The following TSC2 variants were observed in gnomAD, a reference collection of about 807,000 sequenced individuals.
The protein encoded by TSC2 is tuberin.
A neutral mutation model predicts 202.2 loss-of-function variants in TSC2; 29 were observed. That is an observed-to-expected ratio of 0.14 (90% confidence interval 0.11 to 0.20). The LOEUF is 0.20. TSC2 is among the 10% of genes least tolerant of loss of function. The probability of loss-of-function intolerance (pLI) is 1.00; values close to 1 mark genes in which losing one functional copy is unlikely to be tolerated. For synonymous variants in TSC2, 1,349 were observed against 1,044.0 expected (o/e 1.29, Z -5.63); for missense variants, 2,429 against 2,420.0 (o/e 1.00, Z -0.08).
chr16:2,081,499 G>A (rs2090136672), intron 30 of TSC2, 96 bp from the exon 31 acceptor site: 1 of 1,517,484 alleles, frequency 6.6e-7, no homozygotes, highest in South Asian at 1.1e-5. Context: ...GGAGCATGAG[G>A]GCAAAACCAG....
chr16:2,083,639 C>A, intron 32 of TSC2, 56 bp from the exon 33 acceptor site: 1 of 1,552,472 alleles, frequency 6.4e-7, no homozygotes, highest in Non-Finnish European at 8.7e-7. Context: ...GAGGCCACGT[C>A]AGGGCCAGGG....
intron 32 of TSC2, 106 bp downstream of exon 32, chr16:2,082,610 T>G: frequency 7.6e-6 from 10 of 1,315,802 alleles, no homozygotes; most frequent in Non-Finnish European, 9.7e-6. Flanking sequence ...TCTGCCTCCA[T>G]TGCCCTGGGG....
chr16:2,048,159 C>G, intron 1 of TSC2, 94 bp downstream of exon 1: 1 of 1,536,726 alleles, frequency 6.5e-7, no homozygotes, highest in Non-Finnish European at 8.8e-7. Context: ...GGGCCCTCAC[C>G]CGCGCCCACT....
chr16:2,053,954 C>G (rs530787136), intron 4 of TSC2: 10 of 447,618 alleles, frequency 2.2e-5, no homozygotes, highest in East Asian at 1.4e-4. Flanking sequence ...GGGTTTCCCC[C>G]ACTCAGGCCT....
At chr16:2,054,553 G>A (rs755408760) in intron 5 of TSC2, 113 bp downstream of exon 5, 136 of 1,499,342 alleles carry the variant, frequency 9.1e-5, no homozygotes, top group Middle Eastern at 4.5e-4. Flanking sequence ...GGCCTGCAGC[G>A]GGTATGCCCA....
rs1001010265 is a variant in TSC2 at position 2,086,344 on chromosome 16, A to C, written c.4814A>C (p.Gln1605Pro). 1.9e-6 allele frequency: 3 copies of C among 1,612,896 alleles called. No homozygotes were observed. The highest frequency in any genetic ancestry group is 8.5e-7 in the Non-Finnish European group (1 of 1,179,924). ...CTGGACGTGTGTGGTGAGGACGGCC[A>C]GTTCACCTACTGCTGGCACGATGAC... The part of the protein sequence containing the change: ...GGLDVCGEDG[Q>P]FTYCWHDDIM... The change falls in exon 37 of 42, where the codon CAG (glutamine) becomes CCG (proline). Residue 1605 changes from glutamine (Q) to proline (P), a missense_variant. Gln to Pro is a moderately conservative substitution (Grantham distance 76, BLOSUM62 -1). Coordinates refer to ENST00000219476, the MANE Select transcript of TSC2 (RefSeq NM_000548.5).
intron 12 of TSC2, among the ~76,000 whole-genome samples, 160 bp from the exon 13 acceptor site, chr16:2,062,337 T>G (rs934707918): frequency 6.6e-6 from 1 of 152,212 alleles, no homozygotes; most frequent in Non-Finnish European, 1.5e-5. Context: ...TGGACACAAG[T>G]CTTCCCCGCT....
In TSC2 at chr16:2,077,626, G is replaced by T. The variant is rs769199118; in HGVS notation, c.2866G>T (p.Gly956Cys). The change falls in exon 26 of 42, where the codon GGC becomes TGC. Residue 956 changes from glycine to cysteine, a missense_variant. Gly to Cys is a radical substitution (Grantham distance 159). Transcript: ENST00000219476. The part of the protein sequence containing the change: ...SLRIARPPKQ[G>C]LNNSPPVKEF... ...GAGGATAGCCAGACCCCCCAAACAA[G>T]GCTTGAATAACTCTCCACCCGTGAA... 1.9e-6 allele frequency: 3 copies of T among 1,613,178 alleles called. No individual in the cohort carries two copies. In the Admixed American group the frequency reaches 5.0e-5, roughly 27 times the overall value.
chr16:2,064,275 G>C lies in TSC2; in HGVS notation c.1447G>C (p.Glu483Gln), dbSNP rs397515297. The C allele has an allele frequency of 6.2e-7, 1 of 1,613,916 alleles. No homozygotes were observed. The highest frequency in any genetic ancestry group is 8.5e-7 in the Non-Finnish European group (1 of 1,180,034). ...GGCCTCCCTTGTGCCTGTGCAGGAG[G>C]AGCTGATTAACTCAGTGGTCATCTC... ...LLINRQFYEE[E>Q]LINSVVISQL... The change falls in exon 15 of 42, where the codon GAG becomes CAG. Residue 483 changes from glutamate (E) to glutamine (Q), a missense_variant. By Grantham distance (29) the Glu-to-Gln change is conservative. Coordinates refer to ENST00000219476, the MANE Select transcript of TSC2 (RefSeq NM_000548.5).
Position 2,084,475 on chromosome 16 carries a change from C to T in TSC2, c.4253C>T (p.Ser1418Leu), listed in dbSNP as rs369164761. The stretch of plus-strand genomic sequence containing the variant: ...CTGAGCCCTGAGGTTAAGGCCCGGT[C>T]ACAGTCAGGGACCCTGGACGGGGAA... Reference protein sequence around the residue: ...GRLSPEVKARSQSGTLDGESA... With the variant: ...GRLSPEVKARLQSGTLDGESA... The change falls in exon 34 of 42, where the codon TCA becomes TTA. Residue 1418 changes from serine (S) to leucine (L), a missense_variant. Physicochemically the swap from Ser to Leu is moderately radical, Grantham distance 145. Coordinates refer to ENST00000219476, the MANE Select transcript of TSC2 (RefSeq NM_000548.5). The T allele has an allele frequency of 1.9e-6, 3 of 1,609,254 alleles. No homozygotes were observed. The African/African-American group carries it at 4.0e-5, about 22-fold the overall frequency.
In TSC2 at chr16:2,088,855, T is replaced by G; in HGVS notation, c.*245T>G. Reference sequence around the variant, plus strand: ...GAGGGCCTTGAGGCTGCCTGGGCCATACAGCACACTCGCGCGTGCGCGCGC... The same window carrying G: ...GAGGGCCTTGAGGCTGCCTGGGCCAGACAGCACACTCGCGCGTGCGCGCGC... On this transcript the variant is annotated 3_prime_UTR_variant, in exon 42 of 42. Transcript: ENST00000219476. 3.5e-6 allele frequency: 2 copies of G among 564,294 alleles called. No individual in the cohort carries two copies. Among genetic ancestry groups the G allele is most frequent in the Non-Finnish European group, 6.3e-6 (2 of 317,208 alleles). The allele number at this position is 564,294 out of a possible 1,614,324, so 35.0% of individuals were successfully genotyped here.
chr16:2,050,547 G>A (rs2150998772), intron 3 of TSC2, 61 bp downstream of exon 3: 5 of 1,433,068 alleles, frequency 3.5e-6, no homozygotes, highest in Non-Finnish European at 4.9e-6. Context: ...GCCTGAGTTT[G>A]CTTTTTTTAG....
chr16:2,055,613 C>T (rs982388561), intron 6 of TSC2, 94 bp downstream of exon 6: 5 of 1,251,558 alleles, frequency 4.0e-6, no homozygotes, highest in Non-Finnish European at 5.8e-6. Flanking sequence ...AGAGGTTGGG[C>T]TGGGCACAAT....
At chr16:2,059,285 T>C (rs1008428772) in intron 10 of TSC2, among the ~76,000 whole-genome samples, 12 of 151,574 alleles carry the variant, frequency 7.9e-5, no homozygotes, top group Non-Finnish European at 1.6e-4. Context: ...CCCAAAGTGC[T>C]AGGATTACAG....
At chr16:2,058,626 GC>G (rs944935617) in intron 9 of TSC2, 120 bp from the exon 10 acceptor site, 43 of 1,443,064 alleles carry the variant, frequency 3.0e-5, no homozygotes, top group South Asian at 6.1e-5. Flanking sequence ...CGGTGCTCCT[GC>G]CCCCCCCAAG....
At position 2,062,557 on chromosome 16, in the gene TSC2, G is replaced by A. The variant is rs45484298; in HGVS notation, c.1318G>A (p.Gly440Ser). The A allele has an allele frequency of 1.1e-3, 1,799 of 1,612,336 alleles. 2 individuals carry two copies. Among genetic ancestry groups the A allele is most frequent in the Admixed American group, 1.6e-3 (98 of 59,854 alleles). ...GCAGTCCATCCACCCGGCCAAGGACGGCTGGATTCAGAACCTGCAGGCGCT... is the reference window on the plus strand; with the variant it reads ...GCAGTCCATCCACCCGGCCAAGGACAGCTGGATTCAGAACCTGCAGGCGCT... ...RAQSIHPAKD[G>S]WIQNLQALME... Residue 440 changes from glycine to serine, a missense_variant, in exon 13 of 42, where the codon GGC becomes AGC. Physicochemically the swap from Gly to Ser is moderately conservative, Grantham distance 56. Coordinates refer to ENST00000219476, the MANE Select transcript of TSC2 (RefSeq NM_000548.5).
rs1433200235 is a variant in TSC2 at position 2,072,372 on chromosome 16, G to A, written c.2220+9G>A. On this transcript the variant is annotated intron_variant, in intron 20 of 41. Coordinates refer to ENST00000219476, the MANE Select transcript of TSC2 (RefSeq NM_000548.5). ...CTGCTCTCTGCTCCATGGTACCATG[G>A]CCGGCCTGGGGTTGGGGTGGGGGAC... The A allele has an allele frequency of 1.9e-6, 3 of 1,613,792 alleles. No homozygotes were observed. Among genetic ancestry groups the A allele is most frequent in the Non-Finnish European group, 2.5e-6 (3 of 1,179,866 alleles).
chr16:2,062,936 A>T (rs888729657), intron 13 of TSC2, 36 bp from the exon 14 acceptor site: 1 of 1,542,524 alleles, frequency 6.5e-7, no homozygotes, highest in East Asian at 2.5e-5. Flanking sequence ...GTGGCCGGGC[A>T]CTCCCCACCC....
At position 2,088,744 on chromosome 16, in the gene TSC2, T is replaced by G; in HGVS notation, c.*134T>G. 1 of 1,281,130 alleles carries G rather than the reference T, an allele frequency of 7.8e-7. No homozygotes were observed. Among genetic ancestry groups the G allele is most frequent in the Non-Finnish European group, 1.1e-6 (1 of 934,958 alleles). The allele number at this position is 1,281,130 out of a possible 1,614,324, so 79.4% of individuals were successfully genotyped here. ...CAGCTCTTTTATTGACTTTGTCTGCTTGGTGCGGGGGTTGGGGGGGTGTCG... is the reference window on the plus strand; with the variant it reads ...CAGCTCTTTTATTGACTTTGTCTGCGTGGTGCGGGGGTTGGGGGGGTGTCG... On this transcript the variant is annotated 3_prime_UTR_variant, in exon 42 of 42. Coordinates refer to ENST00000219476, the MANE Select transcript of TSC2 (RefSeq NM_000548.5).
Sources: allele counts gnomAD v4.1 joint callset (sites outside exome capture counted in the v4.1 genomes callset), GRCh38; gene constraint gnomAD v4.1.1; transcripts MANE v1.5; gene names NCBI Gene and HGNC (gene_info 2026-07-23, HGNC 2026-07-21).